The following CENPP variants were observed in gnomAD, a reference collection of about 807,000 sequenced individuals.
CENPP encodes the protein centromere protein P.
Under a neutral mutation model 35.6 loss-of-function variants are expected in CENPP, and 24 were observed. The observed-to-expected ratio is 0.67, with a 90% confidence interval of 0.49 to 0.95. CENPP has a LOEUF of 0.95. Ranked by LOEUF, CENPP falls within the 40% of genes least tolerant of loss-of-function variation. CENPP has a pLI of 0.00. For missense variants in CENPP, 332 were observed against 345.3 expected, an observed-to-expected ratio of 0.96 and a Z score of 0.31; for synonymous variants, 120 against 125.5, an observed-to-expected ratio of 0.96 and a Z score of 0.29.
intron 4 of CENPP, among the ~76,000 whole-genome samples, chr9:92,366,809 G>A (rs957066392): frequency 6.6e-6 from 1 of 152,186 alleles, no homozygotes. Context: ...TCACGATTCA[G>A]TTAGTTCAGT....
At chr9:92,459,577 T>C in intron 5 of CENPP, 1 of 1,566,348 alleles carries the variant, frequency 6.4e-7, no homozygotes, top group Non-Finnish European at 8.7e-7. Flanking sequence ...TAAAGTGTGT[T>C]ATAAAAACTG....
At chr9:92,489,218 G>T (rs532787297) in intron 5 of CENPP, among the ~76,000 whole-genome samples, 1 of 152,282 alleles carries the variant, frequency 6.6e-6, no homozygotes, top group South Asian at 2.1e-4. Flanking sequence ...GACTAATTCA[G>T]GATTACACAG....
At chr9:92,391,713 C>T (rs1588087921) in intron 5 of CENPP, among the ~76,000 whole-genome samples, 3 of 152,282 alleles carry the variant, frequency 2.0e-5, no homozygotes, top group South Asian at 4.2e-4. Flanking sequence ...CATTTATTTA[C>T]AGTATGAGAA....
At position 92,497,350 on chromosome 9, in the gene CENPP, C is replaced by T. The variant is rs113095006; in HGVS notation, c.565-113964C>T. On this transcript the variant is annotated intron_variant, in intron 5 of 7. Transcript: ENST00000375587. The stretch of plus-strand genomic sequence containing the variant: ...TTTAAAAAGTAAAGGGTAGGCTGGG[C>T]GTGGTGGCTCACACCTGTCATCCCA... Among the ~76,000 whole-genome samples, 870 of 152,176 alleles carry T rather than the reference C, an allele frequency of 5.7e-3. 8 individuals are homozygous for T. The highest frequency in any genetic ancestry group is 0.02 in the African/African-American group (824 of 41,506).
chr9:92,562,644 T>C (rs1849875724), intron 5 of CENPP, among the ~76,000 whole-genome samples: 1 of 152,174 alleles, frequency 6.6e-6, no homozygotes, highest in Non-Finnish European at 1.5e-5. Flanking sequence ...TTCCCTACAA[T>C]TTTCCTTCTG....
chr9:92,574,027 C>T (rs556665144), intron 5 of CENPP, among the ~76,000 whole-genome samples: 20 of 152,130 alleles, frequency 1.3e-4, no homozygotes, highest in Non-Finnish European at 2.6e-4. Context: ...AAAGGGAATT[C>T]CTTGACCCCT....
intron 5 of CENPP, among the ~76,000 whole-genome samples, chr9:92,480,724 C>T (rs913146860): frequency 3.9e-5 from 6 of 152,164 alleles, no homozygotes; most frequent in Admixed American, 3.9e-4. Context: ...CGCTTGGCAA[C>T]TTTTCCCCTG....
chr9:92,449,217 C>T (rs560302528), intron 5 of CENPP, among the ~76,000 whole-genome samples: 4 of 151,922 alleles, frequency 2.6e-5, no homozygotes, highest in African/African-American at 4.8e-5. Flanking sequence ...CCAAGGCGGG[C>T]GGACACGAGG....
chr9:92,425,624 C>T (rs1564314356), intron 5 of CENPP, among the ~76,000 whole-genome samples: 1 of 152,076 alleles, frequency 6.6e-6, no homozygotes, highest in Non-Finnish European at 1.5e-5. Context: ...AAGTGTTTTC[C>T]ATTAGCTTTT....
chr9:92,517,486 C>A, intron 5 of CENPP: 1 of 683,542 alleles, frequency 1.5e-6, no homozygotes. Flanking sequence ...AGAGCTAGAA[C>A]TATAAAGCCA....
chr9:92,534,717 A>G (rs1041105153), intron 5 of CENPP, among the ~76,000 whole-genome samples: 2 of 152,242 alleles, frequency 1.3e-5, no homozygotes, highest in Admixed American at 1.3e-4. Context: ...CAACAACAGC[A>G]GGGGAAAGCA....
intron 5 of CENPP, among the ~76,000 whole-genome samples, chr9:92,560,887 T>A (rs1849832962): frequency 6.6e-6 from 1 of 150,858 alleles, no homozygotes; most frequent in East Asian, 1.9e-4. Context: ...TTTTTTTTTT[T>A]TTAAATTGGT....
chr9:92,605,291 T>C (rs1489076764), intron 5 of CENPP, among the ~76,000 whole-genome samples: 1 of 152,188 alleles, frequency 6.6e-6, no homozygotes, highest in Non-Finnish European at 1.5e-5. Context: ...GCCCAGCCCC[T>C]TACATTTCTA....
intron 5 of CENPP, among the ~76,000 whole-genome samples, chr9:92,445,923 A>G (rs1844541144): frequency 1.3e-5 from 2 of 152,134 alleles, no homozygotes; most frequent in Admixed American, 1.3e-4. Context: ...ATAGGGATGG[A>G]AGTATATATG....
chr9:92,432,538 ATGT>A lies in CENPP; in HGVS notation c.564+52683_564+52685del, dbSNP rs895088878. 1.1e-3 allele frequency among the ~76,000 whole-genome samples: 161 copies of A among 152,270 alleles called. 1 individual carries two copies. The highest frequency in any genetic ancestry group is 3.7e-3 in the African/African-American group (152 of 41,560). On this transcript the variant is annotated intron_variant, in intron 5 of 7. Coordinates refer to ENST00000375587, the MANE Select transcript of CENPP (RefSeq NM_001012267.3). ...AGCCATGTGACAACAAAACTAGCAG[ATGT>A]TGTAGAATCCTTGCCAAATAAGGAG...
Position 92,593,922 on chromosome 9 carries a change from A to G in CENPP, c.565-17392A>G, listed in dbSNP as rs558998141. Among the ~76,000 whole-genome samples the G allele has an allele frequency of 6.6e-6, 1 of 152,330 alleles. No homozygotes were observed. Among genetic ancestry groups the G allele is most frequent in the Admixed American group, 6.5e-5 (1 of 15,294 alleles). The stretch of plus-strand genomic sequence containing the variant: ...ACCTTTCTCACGAATCTCAAAGGTA[A>G]TATGATATCCTGGATGGGAATCCTG... On this transcript the variant is annotated intron_variant, in intron 5 of 7. Transcript: ENST00000375587. The surrounding 1 kb of genome is among the most constrained non-coding windows in gnomAD (Gnocchi z 4.1).
intron 4 of CENPP, among the ~76,000 whole-genome samples, chr9:92,371,870 G>T (rs1294571593): frequency 1.2e-4 from 17 of 138,988 alleles, no homozygotes; most frequent in African/African-American, 3.4e-4. Context: ...ATTTGTTGTT[G>T]TTTTTTTTTT....
In CENPP at chr9:92,618,022, C is replaced by G. The variant is rs141370543; in HGVS notation, c.*4873C>G. On this transcript the variant is annotated 3_prime_UTR_variant, in exon 8 of 8. Transcript: ENST00000375587. ...TTAGTCTCAGGTCTACCAGGTATCT[C>G]AAGACGCCAAGATGACTCATGATAA... The G allele has an allele frequency of 1.0e-4, 36 of 348,628 alleles. No homozygotes were observed. Among genetic ancestry groups the G allele is most frequent in the Admixed American group, 3.0e-4 (8 of 26,418 alleles). 21.6% of individuals were successfully genotyped at this position (348,628 alleles called of 1,614,324 possible).
intron 5 of CENPP, among the ~76,000 whole-genome samples, chr9:92,398,793 G>A (rs536118369): frequency 9.9e-5 from 15 of 152,212 alleles, no homozygotes; most frequent in Admixed American, 3.3e-4. Flanking sequence ...AAAGTTGGCC[G>A]GGAGTGGTGG....
Sources: gnomAD v4.1 joint callset for allele counts (sites outside exome capture counted in the v4.1 genomes callset) on GRCh38, gnomAD v4.1.1 for gene constraint, Gnocchi (gnomAD v3.1) non-coding constraint, MANE v1.5 for transcripts, NCBI Gene and HGNC (gene_info 2026-07-23, HGNC 2026-07-21) for gene names.